The following MAML3 variants were observed in gnomAD, a reference collection of about 807,000 sequenced individuals.
The protein encoded by MAML3 is mastermind-like protein 3.
Under a neutral mutation model 101.9 loss-of-function variants are expected in MAML3, and 27 were observed. That is an observed-to-expected ratio of 0.27 (90% CI 0.20 to 0.37). The LOEUF is 0.37. Ranked by LOEUF, MAML3 falls within the 10% of genes least tolerant of loss-of-function variation. The pLI is 1.00. For missense variants in MAML3, 1,316 were observed against 1,444.9 expected (o/e 0.91, Z 1.45); for synonymous variants, 501 against 555.9 (o/e 0.90, Z 1.39).
At position 139,717,797 on chromosome 4, in the gene MAML3, T is replaced by G. The variant is rs1415456045; in HGVS notation, c.*1526A>C. ...GGAAAAAAGCACACGCCACTCTCAC[T>G]TAGGACGACACCGAAGCCACAAGTC... is the stretch of plus-strand genomic sequence containing the variant. On this transcript the variant is annotated 3_prime_UTR_variant, in exon 5 of 5. Transcript: ENST00000509479. The G allele has an allele frequency of 6.6e-6, 1 of 152,346 alleles. No individual in the cohort carries two copies. The highest frequency in any genetic ancestry group is 1.5e-5 in the Non-Finnish European group (1 of 68,220). The allele number at this position is 152,346 out of a possible 1,614,324, so 9.4% of individuals were successfully genotyped here.
Position 139,946,467 on chromosome 4 carries a change from C to T in MAML3, c.469-55500G>A, listed in dbSNP as rs191838776. On this transcript the variant is annotated intron_variant, in intron 1 of 4. Coordinates refer to ENST00000509479, the MANE Select transcript of MAML3 (RefSeq NM_018717.5). ...GCAATAATTTTTTTTTTGTTAAGCA[C>T]ACAGGTATGTACAAACGCACAAAGG... 8.2e-4 allele frequency among the ~76,000 whole-genome samples: 124 copies of T among 151,938 alleles called. 1 individual carries two copies. In the East Asian group the frequency reaches 0.014, roughly 17 times the overall value.
chr4:139,931,853 A>AG (rs113668516), intron 1 of MAML3, among the ~76,000 whole-genome samples: 7,955 of 151,874 alleles, frequency 0.052, 644 homozygotes, highest in African/African-American at 0.17. Flanking sequence ...CTACTAAAAA[A>AG]AAAAAAAATA....
At chr4:139,798,430 C>T (rs550109668) in intron 2 of MAML3, among the ~76,000 whole-genome samples, 1 of 152,270 alleles carries the variant, frequency 6.6e-6, no homozygotes, top group South Asian at 2.1e-4. Context: ...CTAAACTCTG[C>T]AAAAAGTTCA....
intron 2 of MAML3, among the ~76,000 whole-genome samples, chr4:139,829,411 A>G (rs1346194101): frequency 1.3e-5 from 2 of 152,334 alleles, no homozygotes; most frequent in East Asian, 3.9e-4. Flanking sequence ...GTGTGAAGCC[A>G]TGAAGAGCCT....
intron 1 of MAML3, among the ~76,000 whole-genome samples, chr4:139,977,893 A>G (rs1734374940): frequency 6.6e-6 from 1 of 151,118 alleles, no homozygotes; most frequent in Non-Finnish European, 1.5e-5. Flanking sequence ...AAAACAAAAA[A>G]CAAAAAAAAA....
In MAML3 at chr4:139,889,443, C is replaced by T. The variant is rs1322528572; in HGVS notation, c.1993G>A (p.Glu665Lys). 7.4e-6 allele frequency: 12 copies of T among 1,613,846 alleles called. No individual in the cohort carries two copies. The highest frequency in any genetic ancestry group is 2.7e-5 in the African/African-American group (2 of 74,914). ...ATGAGAAGCAGGCGTTTCTGGTCTT[C>T]GCTCAGGTGTGCCCTGGGGGCCTGG... ...QLQAPRAHLSEDQKRLLLMKQ... is the reference protein window; with the variant it reads ...QLQAPRAHLSKDQKRLLLMKQ... The change falls in exon 2 of 5, where the codon GAA becomes AAA. Residue 665 changes from glutamate (E) to lysine (K), a missense_variant. Physicochemically the swap from Glu to Lys is moderately conservative, Grantham distance 56. Coordinates refer to ENST00000509479, the MANE Select transcript of MAML3 (RefSeq NM_018717.5).
chr4:140,030,035 GA>G (rs10710379), intron 1 of MAML3, among the ~76,000 whole-genome samples: 8,630 of 152,128 alleles, frequency 0.057, 733 homozygotes, highest in African/African-American at 0.19. Flanking sequence ...AGGAAGAAAC[GA>G]AAAGGATGAG....
At chr4:139,934,571 C>T (rs560380020) in intron 1 of MAML3, among the ~76,000 whole-genome samples, 3 of 152,222 alleles carry the variant, frequency 2.0e-5, no homozygotes, top group Non-Finnish European at 4.4e-5. Context: ...AGGGTGAGGG[C>T]GTCCACGGGG....
rs1405118252 is a variant in MAML3 at position 139,768,239 on chromosome 4, TG to T, written c.2080-37573del. 4.3e-3 allele frequency among the ~76,000 whole-genome samples: 651 copies of T among 151,440 alleles called. 7 individuals carry two copies. The highest frequency in any genetic ancestry group is 0.014 in the African/African-American group (585 of 41,316). ...GTTGATAGTTGTGTGTGTGTGTGTGTGTGTGTGTGTGTGTGTGTGTGTGTGT... is the reference window on the plus strand; with the variant it reads ...GTTGATAGTTGTGTGTGTGTGTGTGTTGTGTGTGTGTGTGTGTGTGTGTGT... On this transcript the variant is annotated intron_variant, in intron 2 of 4. Transcript: ENST00000509479.
chr4:140,069,406 AG>A (rs1727596636), intron 1 of MAML3, among the ~76,000 whole-genome samples: 1 of 104,094 alleles, frequency 9.6e-6, no homozygotes, highest in Admixed American at 1.0e-4. Flanking sequence ...GAGGAGGAGG[AG>A]GAGGAGGAGG....
chr4:140,111,684 C>T lies in MAML3; in HGVS notation c.468+41176G>A, dbSNP rs145707052. Among the ~76,000 whole-genome samples the T allele has an allele frequency of 1.6e-3, 244 of 152,160 alleles. 1 individual carries two copies. The highest frequency in any genetic ancestry group is 5.6e-3 in the African/African-American group (233 of 41,406). On this transcript the variant is annotated intron_variant, in intron 1 of 4. Transcript: ENST00000509479. The stretch of plus-strand genomic sequence containing the variant: ...CCATTGGTAAAGGAATTTCCTGTTA[C>T]TCACCCCTACTGTGGGAGAATACCC...
chr4:140,004,817 C>G (rs943659123), intron 1 of MAML3, among the ~76,000 whole-genome samples: 10 of 152,040 alleles, frequency 6.6e-5, no homozygotes, highest in African/African-American at 1.9e-4. Context: ...CATTTCCTAG[C>G]CGAAAGGAGG....
intron 2 of MAML3, among the ~76,000 whole-genome samples, chr4:139,816,221 G>GCT (rs1730890415): frequency 2.0e-5 from 3 of 152,188 alleles, no homozygotes; most frequent in Non-Finnish European, 4.4e-5. Context: ...GAGGGGCTGA[G>GCT]CGGAGGGGAT....
At chr4:139,835,166 A>AG (rs1731236444) in intron 2 of MAML3, among the ~76,000 whole-genome samples, 1 of 152,266 alleles carries the variant, frequency 6.6e-6, no homozygotes, top group Non-Finnish European at 1.5e-5. Flanking sequence ...CACTAAGAGC[A>AG]GGGGCTGAAG....
intron 1 of MAML3, among the ~76,000 whole-genome samples, chr4:139,971,790 G>A (rs1350494250): frequency 1.3e-5 from 2 of 151,902 alleles, no homozygotes; most frequent in Non-Finnish European, 2.9e-5. Flanking sequence ...TTTCTTTGGG[G>A]AGCCATTTCT....
chr4:139,900,891 G>A (rs946625772), intron 1 of MAML3, among the ~76,000 whole-genome samples: 6 of 152,132 alleles, frequency 3.9e-5, no homozygotes, highest in African/African-American at 2.4e-5. Flanking sequence ...ATCTTACCTC[G>A]ATTAACCCTC....
At chr4:139,724,569 C>T (rs1447726640) in intron 4 of MAML3, among the ~76,000 whole-genome samples, 1 of 152,134 alleles carries the variant, frequency 6.6e-6, no homozygotes, top group Non-Finnish European at 1.5e-5. Context: ...CTGCAAGAGG[C>T]TTCATAGCTT....
At chr4:139,774,393 G>A (rs566684545) in intron 2 of MAML3, among the ~76,000 whole-genome samples, 59 of 152,320 alleles carry the variant, frequency 3.9e-4, no homozygotes, top group African/African-American at 1.3e-3. Context: ...CACTGTGGCT[G>A]GCACGTAGTA....
intron 1 of MAML3, among the ~76,000 whole-genome samples, chr4:139,962,946 G>A (rs1309630114): frequency 6.6e-6 from 1 of 152,124 alleles, no homozygotes; most frequent in Non-Finnish European, 1.5e-5. Context: ...GCCAGGTAAA[G>A]GGAACGGCAA....
Sources: allele counts gnomAD v4.1 joint callset (sites outside exome capture counted in the v4.1 genomes callset), GRCh38; gene constraint gnomAD v4.1.1; transcripts MANE v1.5; gene names NCBI Gene and HGNC (gene_info 2026-07-23, HGNC 2026-07-21).